KCNH7: variants seen among roughly 807,000 people sequenced by gnomAD.
The protein encoded by KCNH7 is potassium voltage-gated channel subfamily H member 7, also known as voltage-gated inwardly rectifying potassium channel KCNH7.
Under a neutral mutation model 120.8 loss-of-function variants are expected in KCNH7, and 49 were observed. The ratio of observed to expected loss-of-function variants is 0.41; its 90% CI spans 0.32 to 0.51. The LOEUF (loss-of-function observed/expected upper bound fraction) is 0.51, where lower values mean the gene tolerates loss of function less well. Ranked by LOEUF, KCNH7 falls within the 20% of genes least tolerant of loss-of-function variation. The probability of loss-of-function intolerance (pLI) is 0.38; values close to 1 mark genes in which losing one functional copy is unlikely to be tolerated. For missense variants in KCNH7, 1,097 were observed against 1,446.6 expected (o/e 0.76, Z 3.92); for synonymous variants, 547 against 516.1 (o/e 1.06, Z -0.81).
At chr2:162,619,022 A>C (rs1683245106) in intron 2 of KCNH7, among the ~76,000 whole-genome samples, 1 of 152,278 alleles carries the variant, frequency 6.6e-6, no homozygotes, top group East Asian at 1.9e-4. Context: ...GAAGTAAAAA[A>C]GTTGGTGCCC....
intron 2 of KCNH7, among the ~76,000 whole-genome samples, chr2:162,766,394 A>C (rs954058812): frequency 2.0e-5 from 3 of 152,200 alleles, no homozygotes; most frequent in African/African-American, 7.2e-5. Flanking sequence ...TATCAGTGAA[A>C]AGAAGGTCTA....
intron 13 of KCNH7, among the ~76,000 whole-genome samples, chr2:162,382,724 A>G (rs1038615611): frequency 4.6e-5 from 7 of 151,942 alleles, no homozygotes; most frequent in African/African-American, 1.4e-4. Context: ...AGTAGTTTGA[A>G]CTGCAGCAGC....
chr2:162,719,174 C>G (rs1459610777), intron 2 of KCNH7, among the ~76,000 whole-genome samples: 1 of 151,992 alleles, frequency 6.6e-6, no homozygotes, highest in Non-Finnish European at 1.5e-5. Context: ...TCCTTCCATC[C>G]TAGCTATTCT....
chr2:162,499,716 A>G (rs1690613431), intron 6 of KCNH7, among the ~76,000 whole-genome samples: 1 of 152,098 alleles, frequency 6.6e-6, no homozygotes, highest in Non-Finnish European at 1.5e-5. Flanking sequence ...CAATACCCTC[A>G]GTGGTTCATT....
At chr2:162,634,379 A>G (rs773897985) in intron 2 of KCNH7, among the ~76,000 whole-genome samples, 8 of 152,022 alleles carry the variant, frequency 5.3e-5, no homozygotes, top group Non-Finnish European at 1.2e-4. Flanking sequence ...AGCTAGGATG[A>G]CGTATTGACA....
intron 2 of KCNH7, among the ~76,000 whole-genome samples, chr2:162,804,340 A>C (rs1684457375): frequency 6.6e-6 from 1 of 151,892 alleles, no homozygotes; most frequent in Non-Finnish European, 1.5e-5. Flanking sequence ...AAACGCCTCC[A>C]AAAGACTTCT....
At chr2:162,788,932 T>C (rs563914596) in intron 2 of KCNH7, among the ~76,000 whole-genome samples, 1 of 150,720 alleles carries the variant, frequency 6.6e-6, no homozygotes, top group African/African-American at 2.4e-5. Flanking sequence ...TCAGAAGATT[T>C]CTCAGCAGAA....
chr2:162,745,871 A>T (rs1054311078), intron 2 of KCNH7, among the ~76,000 whole-genome samples: 1 of 152,040 alleles, frequency 6.6e-6, no homozygotes, highest in African/African-American at 2.4e-5. Flanking sequence ...TTAGATTTAA[A>T]GAAAAAAAAG....
intron 2 of KCNH7, among the ~76,000 whole-genome samples, chr2:162,703,645 C>G (rs1686592325): frequency 6.6e-6 from 1 of 152,066 alleles, no homozygotes; most frequent in African/African-American, 2.4e-5. Context: ...TAGCTAATCT[C>G]TTTAAAGGGG....
At chr2:162,551,530 C>T (rs1692667514) in intron 2 of KCNH7, among the ~76,000 whole-genome samples, 1 of 151,248 alleles carries the variant, frequency 6.6e-6, no homozygotes, top group African/African-American at 2.4e-5. Context: ...TTAGAAATTA[C>T]TTGAAGATTA....
intron 2 of KCNH7, among the ~76,000 whole-genome samples, chr2:162,751,434 T>C (rs954618089): frequency 2.6e-5 from 4 of 152,152 alleles, no homozygotes; most frequent in African/African-American, 9.6e-5. Context: ...TTGTATTTTG[T>C]ACATCACAGT....
chr2:162,575,308 G>A (rs1027885396), intron 2 of KCNH7, among the ~76,000 whole-genome samples: 1 of 151,986 alleles, frequency 6.6e-6, no homozygotes, highest in African/African-American at 2.4e-5. Context: ...TTCTCTTCCC[G>A]CATTTACCCT....
chr2:162,385,680 C>T (rs1432645890), intron 12 of KCNH7, among the ~76,000 whole-genome samples: 1 of 151,824 alleles, frequency 6.6e-6, no homozygotes, highest in Non-Finnish European at 1.5e-5. Context: ...TATTAGTGTC[C>T]TGGGGAGACA....
chr2:162,740,741 T>C (rs921781947), intron 2 of KCNH7, among the ~76,000 whole-genome samples: 1 of 152,144 alleles, frequency 6.6e-6, no homozygotes, highest in South Asian at 2.1e-4. Context: ...GGGAATGCCA[T>C]CTAATAACAC....
rs1688006195 is a variant in KCNH7, at chr2:162,738,661, C to T, written c.307+97876G>A. Among the ~76,000 whole-genome samples the T allele has an allele frequency of 2.6e-5, 4 of 152,180 alleles. No homozygotes were observed. In the South Asian group the frequency reaches 8.3e-4, roughly 31 times the overall value. On this transcript the variant is annotated intron_variant, in intron 2 of 15. Transcript: ENST00000332142. ...AAAAAAGAAAATCAGTGTGTTTGTCCTTTATTCTGGTATCTGTCTGGCTGT... is the reference window on the plus strand; with the variant it reads ...AAAAAAGAAAATCAGTGTGTTTGTCTTTTATTCTGGTATCTGTCTGGCTGT...
chr2:162,476,839 GA>G (rs1689763604), intron 6 of KCNH7, among the ~76,000 whole-genome samples: 1 of 152,116 alleles, frequency 6.6e-6, no homozygotes, highest in African/African-American at 2.4e-5. Context: ...ACCTCCAGTG[GA>G]AACACAGCTT....
intron 2 of KCNH7, among the ~76,000 whole-genome samples, chr2:162,654,870 A>G (rs988525072): frequency 1.3e-5 from 2 of 152,208 alleles, no homozygotes; most frequent in Non-Finnish European, 2.9e-5. Flanking sequence ...AAATGAAATA[A>G]GTCAGGCACA....
intron 9 of KCNH7, among the ~76,000 whole-genome samples, chr2:162,418,255 G>C (rs895150354): frequency 6.6e-6 from 1 of 152,044 alleles, no homozygotes; most frequent in Non-Finnish European, 1.5e-5. Flanking sequence ...TGTAGGTTTT[G>C]GCCAATCTTT....
At chr2:162,746,081 C>T (rs921508245) in intron 2 of KCNH7, among the ~76,000 whole-genome samples, 1 of 151,610 alleles carries the variant, frequency 6.6e-6, no homozygotes, top group African/African-American at 2.4e-5. Context: ...TGTTGTAGTC[C>T]CTATATTTGA....
Sources: allele counts gnomAD v4.1 joint callset (sites outside exome capture counted in the v4.1 genomes callset), GRCh38; gene constraint gnomAD v4.1.1; transcripts MANE v1.5; gene names NCBI Gene and HGNC (gene_info 2026-07-23, HGNC 2026-07-21).